Variants in ARFGEF3 observed in about 807,000 individuals in gnomAD.
ARFGEF3 encodes ARFGEF family member 3.
Under a neutral mutation model 221.7 loss-of-function variants are expected in ARFGEF3, and 96 were observed. The ratio of observed to expected loss-of-function variants is 0.43; its 90% CI spans 0.37 to 0.51. The LOEUF (loss-of-function observed/expected upper bound fraction) is 0.51. Ranked by LOEUF, ARFGEF3 falls within the 20% of genes least tolerant of loss-of-function variation. The pLI is 0.00. For synonymous variants in ARFGEF3, 1,145 were observed against 1,126.8 expected (o/e 1.02, Z -0.32); for missense variants, 2,410 against 2,789.9 (o/e 0.86, Z 3.07).
chr6:138,220,625 C>CA (rs1305974304), intron 4 of ARFGEF3, among the ~76,000 whole-genome samples: 3 of 152,120 alleles, frequency 2.0e-5, no homozygotes, highest in Non-Finnish European at 4.4e-5. Context: ...TACAATGGAA[C>CA]AAAAAAATAA....
At chr6:138,315,192 ACT>A (rs1403878383) in intron 26 of ARFGEF3, among the ~76,000 whole-genome samples, 11 of 152,168 alleles carry the variant, frequency 7.2e-5, no homozygotes, top group African/African-American at 1.2e-4. Flanking sequence ...CTAAAGAGAG[ACT>A]CTATTTGTGA....
chr6:138,298,592 C>A lies in ARFGEF3; in HGVS notation c.3649-14C>A. The stretch of plus-strand genomic sequence containing the variant: ...CTGTCCTGATGGTGAGCCACTCTCT[C>A]GTGAATTTTGCAGGCTGCTTGCCAT... On this transcript the variant is annotated splice_polypyrimidine_tract_variant and intron_variant, in intron 21 of 33. Coordinates refer to ENST00000251691, the MANE Select transcript of ARFGEF3 (RefSeq NM_020340.5). The A allele has an allele frequency of 6.2e-7, 1 of 1,607,290 alleles. No homozygotes were observed. Among genetic ancestry groups the A allele is most frequent in the Non-Finnish European group, 8.5e-7 (1 of 1,176,426 alleles).
rs778293952 is a variant in ARFGEF3 at position 138,263,079 on chromosome 6, C to T, written c.1596C>T (p.His532=). 1.1e-5 allele frequency: 18 copies of T among 1,613,788 alleles called. No individual in the cohort carries two copies. The highest frequency in any genetic ancestry group is 2.2e-5 in the East Asian group (1 of 44,870). Residue 532 remains histidine (H), a synonymous_variant, in exon 12 of 34, where the codon CAC becomes CAT. Coordinates refer to ENST00000251691, the MANE Select transcript of ARFGEF3 (RefSeq NM_020340.5). ...QTTPEDHSGN[H]KNSLKSPAIP... is the part of the protein sequence containing the mutation. ...CACCCGAGGACCATTCGGGAAACCA[C>T]AAGAACAGTCTCAAGTCGCCAGCCA...
intron 4 of ARFGEF3, among the ~76,000 whole-genome samples, chr6:138,212,347 G>A (rs1777745513): frequency 6.6e-6 from 1 of 152,210 alleles, no homozygotes; most frequent in Admixed American, 6.5e-5. Context: ...GGGCAACATG[G>A]CGAAACCACA....
In ARFGEF3 at chr6:138,282,245, G is replaced by A. The variant is rs181406626; in HGVS notation, c.2461+2081G>A. On this transcript the variant is annotated intron_variant, in intron 14 of 33. Transcript: ENST00000251691. ...GCTGAGATTACAGGCGTGAGCCGCC[G>A]CACCCACCCTCCCCAGACTGGTTTC... Among the ~76,000 whole-genome samples, 340 of 152,146 alleles carry A rather than the reference G, an allele frequency of 2.2e-3. 6 individuals carry two copies. Among genetic ancestry groups the A allele is most frequent in the Admixed American group, 0.02 (311 of 15,272 alleles).
In ARFGEF3 at chr6:138,340,382, C is replaced by G. The variant is rs1255441025; in HGVS notation, c.*3896C>G. On this transcript the variant is annotated 3_prime_UTR_variant, in exon 34 of 34. Transcript: ENST00000251691. ...ACAGAGTGAGTTGAGAGTCAAGTAG[C>G]CTTCGCTGTGAGACGGTAATGCAGT... The G allele has an allele frequency of 2.0e-5, 3 of 152,150 alleles. No homozygotes were observed. In the South Asian group the frequency reaches 6.2e-4, roughly 32 times the overall value. 9.4% of individuals were successfully genotyped at this position (152,150 alleles called of 1,614,324 possible). A position where few individuals can be genotyped will look rare whatever the true frequency, so the allele number is the denominator to read the frequency against.
At chr6:138,298,108 C>T (rs1425116601) in intron 21 of ARFGEF3, among the ~76,000 whole-genome samples, 2 of 152,212 alleles carry the variant, frequency 1.3e-5, no homozygotes, top group Admixed American at 1.3e-4. Context: ...GCAACTCACA[C>T]ATCCAAGCCC....
intron 2 of ARFGEF3, among the ~76,000 whole-genome samples, chr6:138,176,345 G>A (rs1363150658): frequency 6.6e-6 from 1 of 151,864 alleles, no homozygotes; most frequent in Non-Finnish European, 1.5e-5. Flanking sequence ...ACCACACCCG[G>A]CCAATTTTTG....
chr6:138,299,746 CT>C (rs764342873), intron 22 of ARFGEF3, among the ~76,000 whole-genome samples: 2 of 152,174 alleles, frequency 1.3e-5, no homozygotes, highest in African/African-American at 2.4e-5. Context: ...TCAACGCAAA[CT>C]TTACAAAGCT....
chr6:138,289,063 C>T (rs1007727751), intron 17 of ARFGEF3, among the ~76,000 whole-genome samples: 2 of 152,222 alleles, frequency 1.3e-5, no homozygotes, highest in Non-Finnish European at 2.9e-5. Flanking sequence ...AAGCTATTCT[C>T]CTGCCCCAGC....
chr6:138,337,753 G>A lies in ARFGEF3; in HGVS notation c.*1267G>A, dbSNP rs917404474. On this transcript the variant is annotated 3_prime_UTR_variant, in exon 34 of 34. Coordinates refer to ENST00000251691, the MANE Select transcript of ARFGEF3 (RefSeq NM_020340.5). ...ATTTCTAAGTATTACTAGAAAATAC[G>A]TTTGAAAGCTTTATCTTATTATTTA... The A allele has an allele frequency of 5.3e-5, 8 of 152,146 alleles. No individual in the cohort carries two copies. Among genetic ancestry groups the A allele is most frequent in the South Asian group, 2.1e-4 (1 of 4,812 alleles). 9.4% of individuals were successfully genotyped at this position (152,146 alleles called of 1,614,324 possible).
At chr6:138,323,860 G>A in intron 30 of ARFGEF3, 87 bp downstream of exon 30, 2 of 1,549,008 alleles carry the variant, frequency 1.3e-6, no homozygotes, top group Non-Finnish European at 1.8e-6. Flanking sequence ...CATGGGTTCT[G>A]CCTCCTCTGA....
chr6:138,298,887 A>G (rs1779573613), intron 22 of ARFGEF3, 102 bp downstream of exon 22: 1 of 875,242 alleles, frequency 1.1e-6, no homozygotes, highest in East Asian at 2.8e-5. Context: ...CAATAATCCT[A>G]TGTGGAATCT....
At chr6:138,296,406 G>A (rs4896341) in intron 20 of ARFGEF3, among the ~76,000 whole-genome samples, 14,498 of 152,216 alleles carry the variant, frequency 0.095, 968 homozygotes, top group South Asian at 0.25. Flanking sequence ...AATTTTAGGA[G>A]TGGGCAGTAT....
chr6:138,211,805 T>C (rs1360386732), intron 4 of ARFGEF3, among the ~76,000 whole-genome samples: 1 of 152,178 alleles, frequency 6.6e-6, no homozygotes, highest in Non-Finnish European at 1.5e-5. Flanking sequence ...TTGTACTTGC[T>C]TTCTGATTCC....
intron 2 of ARFGEF3, among the ~76,000 whole-genome samples, chr6:138,173,681 A>G (rs1362645918): frequency 6.6e-6 from 1 of 152,124 alleles, no homozygotes; most frequent in Non-Finnish European, 1.5e-5. Context: ...CCAAGGACAT[A>G]TTTTTGGTTC....
In ARFGEF3 at chr6:138,255,644, G is replaced by A. The variant is rs768709983; in HGVS notation, c.979G>A (p.Ala327Thr). 1.3e-5 allele frequency: 21 copies of A among 1,613,770 alleles called. No individual in the cohort carries two copies. Among genetic ancestry groups the A allele is most frequent in the Admixed American group, 1.7e-5 (1 of 59,994 alleles). ...GGCTCGGACTATCTATTACATCGCAGCCGAGCTGGTCCGGCTGGTGGGGTC... is the reference window on the plus strand; with the variant it reads ...GGCTCGGACTATCTATTACATCGCAACCGAGCTGGTCCGGCTGGTGGGGTC... ...PVARTIYYIA[A>T]ELVRLVGSVD... The change falls in exon 10 of 34, where the codon GCC becomes ACC. Residue 327 changes from alanine (A) to threonine (T), a missense_variant. Ala to Thr is a moderately conservative substitution (Grantham distance 58). Coordinates refer to ENST00000251691, the MANE Select transcript of ARFGEF3 (RefSeq NM_020340.5).
chr6:138,222,155 G>A (rs1341152938), intron 4 of ARFGEF3, among the ~76,000 whole-genome samples: 1 of 152,182 alleles, frequency 6.6e-6, no homozygotes, highest in Non-Finnish European at 1.5e-5. Flanking sequence ...GTGTTGTAGA[G>A]CAGGGGCTTC....
rs541344217 is a variant in ARFGEF3, at chr6:138,210,453, A to G, written c.351+412A>G. ...GTCAGTTTAGGGACAGAAAGACCAC[A>G]GTTGGGAGGCATGTCAGAATACACA... On this transcript the variant is annotated intron_variant, in intron 4 of 33. Transcript: ENST00000251691. Among the ~76,000 whole-genome samples, 13 of 152,180 alleles carry G rather than the reference A, an allele frequency of 8.5e-5. No homozygotes were observed. The East Asian group carries it at 2.5e-3, about 29-fold the overall frequency.
Sources: allele counts gnomAD v4.1 joint callset (sites outside exome capture counted in the v4.1 genomes callset), GRCh38; gene constraint gnomAD v4.1.1; transcripts MANE v1.5; gene names NCBI Gene and HGNC (gene_info 2026-07-23, HGNC 2026-07-21).